WIPF2: variants seen among roughly 807,000 people sequenced by gnomAD.
WIPF2 encodes the protein WAS/WASL-interacting protein family member 2.
In WIPF2, 23 loss-of-function variants were observed where a neutral mutation model predicts 38.8. The observed-to-expected ratio is 0.59, with a 90% CI of 0.43 to 0.84. The LOEUF (loss-of-function observed/expected upper bound fraction) is 0.84. WIPF2 is among the 40% of genes least tolerant of loss of function. WIPF2 has a pLI of 0.00. For synonymous variants in WIPF2, 210 were observed against 223.2 expected, an observed-to-expected ratio of 0.94 and a Z score of 0.53; for missense variants, 574 against 580.5, an observed-to-expected ratio of 0.99 and a Z score of 0.11.
chr17:40,250,739 T>G (rs1341575153), intron 1 of WIPF2, among the ~76,000 whole-genome samples: 1 of 151,928 alleles, frequency 6.6e-6, no homozygotes, highest in Non-Finnish European at 1.5e-5. Flanking sequence ...TTCTTGTTCT[T>G]TTCTAAATTT....
At position 40,280,677 on chromosome 17, in the gene WIPF2, CAGACAT is replaced by C. The variant is rs936483553; in HGVS notation, c.*2456_*2461del. On this transcript the variant is annotated 3_prime_UTR_variant, in exon 8 of 8. Coordinates refer to ENST00000323571, the MANE Select transcript of WIPF2 (RefSeq NM_133264.5). Reference sequence around the variant, plus strand: ...GTTTTTTTTTTTTTCCTCCTTTACTCAGACATAGAGCATCAAAATATCACGAGTAAA... The same window carrying C: ...GTTTTTTTTTTTTTCCTCCTTTACTCAGAGCATCAAAATATCACGAGTAAA... The C allele has an allele frequency of 2.6e-5, 4 of 151,150 alleles. No individual in the cohort carries two copies. Among genetic ancestry groups the C allele is most frequent in the African/African-American group, 9.8e-5 (4 of 40,988 alleles). The allele number at this position is 151,150 out of a possible 1,614,324, so 9.4% of individuals were successfully genotyped here.
At chr17:40,241,643 C>T (rs963354158) in intron 1 of WIPF2, among the ~76,000 whole-genome samples, 7 of 152,118 alleles carry the variant, frequency 4.6e-5, no homozygotes, top group African/African-American at 1.7e-4. Flanking sequence ...TTACTAAGTC[C>T]AGGAATCAGT....
intron 5 of WIPF2, chr17:40,273,484 A>G (rs1385300040): frequency 3.0e-6 from 1 of 332,304 alleles, no homozygotes; most frequent in Non-Finnish European, 5.5e-6. Flanking sequence ...CTTTTGCAGT[A>G]GAGAACAGGC....
intron 1 of WIPF2, among the ~76,000 whole-genome samples, chr17:40,251,377 G>C (rs1416841997): frequency 6.6e-6 from 1 of 150,776 alleles, no homozygotes; most frequent in African/African-American, 2.4e-5. Flanking sequence ...TCTCAAAGCA[G>C]ACCCTCTGCA....
chr17:40,262,328 C>T (rs1306833741), intron 3 of WIPF2, among the ~76,000 whole-genome samples, 197 bp from the exon 4 acceptor site: 1 of 152,094 alleles, frequency 6.6e-6, no homozygotes, highest in Non-Finnish European at 1.5e-5. Context: ...AGTGATCCTC[C>T]CATCTTGGCC....
rs1567729969 is a variant in WIPF2 at position 40,283,189 on chromosome 17, A to AAAAAAAAAT, written c.*4967_*4968insAAAAATAAA. On this transcript the variant is annotated 3_prime_UTR_variant, in exon 8 of 8. Transcript: ENST00000323571. ...AAAAAAAAAAAAAAAAAAAAAAAAA[A>AAAAAAAAAT]AAATTCTAGAGTTCTAGTTACCCTT... 1 of 146,574 alleles carries AAAAAAAAAT rather than the reference A, an allele frequency of 6.8e-6. No homozygotes were observed. The highest frequency in any genetic ancestry group is 2.0e-4 in the East Asian group (1 of 5,046). 9.1% of individuals were successfully genotyped at this position (146,574 alleles called of 1,614,324 possible). A position where few individuals can be genotyped will look rare whatever the true frequency, so the allele number is the denominator to read the frequency against.
chr17:40,252,490 C>T (rs1473751992), intron 1 of WIPF2, among the ~76,000 whole-genome samples: 1 of 151,922 alleles, frequency 6.6e-6, no homozygotes, highest in African/African-American at 2.4e-5. Context: ...TTGGTGAAAC[C>T]CCGTCTCTAC....
intron 5 of WIPF2, 80 bp downstream of exon 5, chr17:40,265,226 T>C: frequency 6.8e-7 from 1 of 1,473,224 alleles, no homozygotes. Flanking sequence ...TTGAAGACAG[T>C]AATTCGTTTA....
At position 40,237,241 on chromosome 17, in the gene WIPF2, C is replaced by CTT. The variant is rs533124301; in HGVS notation, c.-70+17765_-70+17766dup. Among the ~76,000 whole-genome samples, 1,137 of 129,446 alleles carry CTT rather than the reference C, an allele frequency of 8.8e-3. 14 individuals carry two copies. Among genetic ancestry groups the CTT allele is most frequent in the African/African-American group, 0.012 (415 of 35,428 alleles). 84.9% of individuals were successfully genotyped at this position (129,446 alleles called of 152,430 possible). On this transcript the variant is annotated intron_variant, in intron 1 of 7. Coordinates refer to ENST00000323571, the MANE Select transcript of WIPF2 (RefSeq NM_133264.5). ...ATTTTTTTTTCCTATTCAATTTTTC[C>CTT]TTTTTTTTTTTTTTTTTGAGACAGA...
At chr17:40,225,812 A>G (rs998522017) in intron 1 of WIPF2, among the ~76,000 whole-genome samples, 1 of 152,006 alleles carries the variant, frequency 6.6e-6, no homozygotes, top group African/African-American at 2.4e-5. Flanking sequence ...GCACGCCACT[A>G]TGCCTCACTA....
chr17:40,243,408 T>G (rs574047227), intron 1 of WIPF2, among the ~76,000 whole-genome samples: 58 of 152,310 alleles, frequency 3.8e-4, no homozygotes, highest in African/African-American at 1.3e-3. Context: ...AAAATATGTT[T>G]GAAAGAATTT....
intron 1 of WIPF2, among the ~76,000 whole-genome samples, chr17:40,222,675 T>G (rs1414768874): frequency 2.1e-4 from 22 of 105,134 alleles, no homozygotes; most frequent in African/African-American, 8.9e-4. Flanking sequence ...TTTTTTTTTT[T>G]TTTTTTTTTT....
At chr17:40,230,842 G>T (rs1047847355) in intron 1 of WIPF2, among the ~76,000 whole-genome samples, 1 of 152,106 alleles carries the variant, frequency 6.6e-6, no homozygotes, top group African/African-American at 2.4e-5. Context: ...ATTTTGAACC[G>T]ATGAATATAC....
chr17:40,236,469 C>T (rs770132033), intron 1 of WIPF2, among the ~76,000 whole-genome samples: 8 of 150,760 alleles, frequency 5.3e-5, no homozygotes, highest in African/African-American at 1.5e-4. Flanking sequence ...TCCCGAGTAG[C>T]TGGAACTACA....
In WIPF2 at chr17:40,273,782, A is replaced by G. The variant is rs2032309196; in HGVS notation, c.971-8A>G. 1.3e-6 allele frequency: 2 copies of G among 1,599,608 alleles called. No individual in the cohort carries two copies. The highest frequency in any genetic ancestry group is 2.2e-5 in the South Asian group (2 of 90,760). On this transcript the variant is annotated splice_region_variant and splice_polypyrimidine_tract_variant and intron_variant, in intron 5 of 7. Transcript: ENST00000323571. ...TCCAAACCTAACTACTTTGGATTTT[A>G]ATTGCAGCTCCTCCACCCCCACCAC... is the stretch of plus-strand genomic sequence containing the variant.
At chr17:40,257,541 G>A (rs12944183) in intron 2 of WIPF2, among the ~76,000 whole-genome samples, 1 of 151,860 alleles carries the variant, frequency 6.6e-6, no homozygotes. Context: ...GGCCAGGCGC[G>A]ATGGCTCACG....
Position 40,219,394 on chromosome 17 carries a change from G to GCGGCGACGGCGA in WIPF2, c.-167_-156dup, listed in dbSNP as rs1555557765. On this transcript the variant is annotated 5_prime_UTR_variant, in exon 1 of 8. Coordinates refer to ENST00000323571, the MANE Select transcript of WIPF2 (RefSeq NM_133264.5). ...GGCGGCGGCGGCGGCGGCGGCGGCG[G>GCGGCGACGGCGA]CGGCGACGGCGAGAAAGAGCTTGCC... 2.4e-6 allele frequency: 1 copy of GCGGCGACGGCGA among 415,932 alleles called. No individual in the cohort carries two copies. Among genetic ancestry groups the GCGGCGACGGCGA allele is most frequent in the Non-Finnish European group, 4.6e-6 (1 of 219,368 alleles). 25.8% of individuals were successfully genotyped at this position (415,932 alleles called of 1,614,324 possible).
intron 2 of WIPF2, among the ~76,000 whole-genome samples, chr17:40,259,981 G>T (rs763143999): frequency 1.3e-5 from 2 of 152,086 alleles, no homozygotes; most frequent in African/African-American, 4.8e-5. Context: ...AAGTATTACT[G>T]CAGGCCTCCC....
intron 1 of WIPF2, among the ~76,000 whole-genome samples, chr17:40,240,330 T>C (rs2031144398): frequency 6.6e-6 from 1 of 151,640 alleles, no homozygotes; most frequent in African/African-American, 2.4e-5. Context: ...CTCCCAAACT[T>C]CTGGGATTAC....
Sources: gnomAD v4.1 joint callset for allele counts (sites outside exome capture counted in the v4.1 genomes callset) on GRCh38, gnomAD v4.1.1 for gene constraint, MANE v1.5 for transcripts, NCBI Gene and HGNC (gene_info 2026-07-23, HGNC 2026-07-21) for gene names.